Variants in GLIS2 observed in about 807,000 individuals in gnomAD.
The protein encoded by GLIS2 is GLIS family zinc finger 2, also known as zinc finger protein GLIS2.
Under a neutral mutation model 35.6 loss-of-function variants are expected in GLIS2, and 14 were observed. The observed-to-expected ratio is 0.39, with a 90% CI of 0.26 to 0.61. The LOEUF is 0.61. GLIS2 is among the 20% of genes least tolerant of loss of function. The probability of loss-of-function intolerance (pLI) is 0.48; values close to 1 mark genes in which losing one functional copy is unlikely to be tolerated. For missense variants in GLIS2, 675 were observed against 713.4 expected, an observed-to-expected ratio of 0.95 and a Z score of 0.61; for synonymous variants, 368 against 325.1, an observed-to-expected ratio of 1.13 and a Z score of -1.42.
At position 4,337,823 on chromosome 16, in the gene GLIS2, T is replaced by G. The variant is rs1046524046; in HGVS notation, c.*299T>G. On this transcript the variant is annotated 3_prime_UTR_variant, in exon 7 of 7. Transcript: ENST00000433375. ...CTTTCCCCTGCCCGACCTCCTCCCG[T>G]TTCCCTCTCCCACCCTGGCACCTCC... is the stretch of plus-strand genomic sequence containing the variant. The G allele has an allele frequency of 4.2e-5, 23 of 541,860 alleles. No individual in the cohort carries two copies. The highest frequency in any genetic ancestry group is 3.8e-4 in the African/African-American group (20 of 52,512). 33.6% of individuals were successfully genotyped at this position (541,860 alleles called of 1,614,324 possible).
upstream of GLIS2, among the ~76,000 whole-genome samples, chr16:4,315,828 G>T: frequency 8.4e-6 from 1 of 119,462 alleles, no homozygotes; most frequent in Non-Finnish European, 1.8e-5. Context: ...CCCCTCCCCC[G>T]ACGCGCACGC....
chr16:4,326,776 T>C (rs1236171980), intron 1 of GLIS2, among the ~76,000 whole-genome samples: 10 of 76,918 alleles, frequency 1.3e-4, no homozygotes, highest in Non-Finnish European at 1.9e-4. Flanking sequence ...TTTTTTTTTT[T>C]CCGAGATGGA....
upstream of GLIS2, chr16:4,315,127 T>C (rs564200605): frequency 1.3e-5 from 2 of 152,122 alleles, no homozygotes; most frequent in African/African-American, 4.8e-5. Flanking sequence ...CTCGGGCTAG[T>C]GGACGCAGGT....
chr16:4,317,937 G>C (rs999816603), intron 1 of GLIS2, among the ~76,000 whole-genome samples: 11 of 152,146 alleles, frequency 7.2e-5, no homozygotes, highest in Non-Finnish European at 7.3e-5. Context: ...TGTGACCTTT[G>C]ACCTTTGGTG....
At chr16:4,318,897 C>T (rs1488276924) in intron 1 of GLIS2, among the ~76,000 whole-genome samples, 10 of 152,216 alleles carry the variant, frequency 6.6e-5, no homozygotes, top group African/African-American at 2.2e-4. Flanking sequence ...GGGCCAGTGC[C>T]GGCCAGGGTT....
chr16:4,332,146 T>G lies in GLIS2; in HGVS notation c.-66-69T>G, dbSNP rs1157342206. The G allele has an allele frequency of 1.8e-6, 2 of 1,115,620 alleles. No homozygotes were observed. Among genetic ancestry groups the G allele is most frequent in the Non-Finnish European group, 2.6e-6 (2 of 764,208 alleles). The allele number at this position is 1,115,620 out of a possible 1,614,324, so 69.1% of individuals were successfully genotyped here. Reference sequence around the variant, plus strand: ...CCCCCTGCTCCTGCTCCTGTTAGACTGTCATGAGTACAGCCCGAGGAGAAG... The same window carrying G: ...CCCCCTGCTCCTGCTCCTGTTAGACGGTCATGAGTACAGCCCGAGGAGAAG... On this transcript the variant is annotated intron_variant, in intron 1 of 6. Transcript: ENST00000433375. The surrounding 1 kb of genome is among the most constrained non-coding windows in gnomAD (Gnocchi z 5.4).
Position 4,337,125 on chromosome 16 carries a change from T to TG in GLIS2, c.1181dup (p.Gly395TrpfsTer72), listed in dbSNP as rs1434520235. The TG allele has an allele frequency of 6.5e-7, 1 of 1,535,554 alleles. No homozygotes were observed. Among genetic ancestry groups the TG allele is most frequent in the Admixed American group, 2.0e-5 (1 of 50,986 alleles). ...TGGCCTGTGGCAACGGTGGGGGCAG[T>TG]GGGGGTGGGGGGGGCATGGGCCCTG... On this transcript the variant is annotated frameshift_variant, in exon 7 of 7. Transcript: ENST00000433375. LOFTEE classifies it high-confidence loss of function.
At chr16:4,336,467 C>T in intron 6 of GLIS2, 1 of 608,870 alleles carries the variant, frequency 1.6e-6, no homozygotes, top group Non-Finnish European at 2.9e-6. Context: ...TGTTCTGCTG[C>T]TGAAAGGCAC....
At chr16:4,316,285 G>A (rs943510470) in intron 1 of GLIS2, among the ~76,000 whole-genome samples, 31 bp downstream of exon 1, 2 of 139,110 alleles carry the variant, frequency 1.4e-5, no homozygotes, top group Non-Finnish European at 3.1e-5. Flanking sequence ...CGCGCCGTGG[G>A]GACCGGGCCG....
At chr16:4,333,090 AG>A (rs1474130147) in intron 2 of GLIS2, among the ~76,000 whole-genome samples, 3 of 152,278 alleles carry the variant, frequency 2.0e-5, no homozygotes, top group South Asian at 4.1e-4. Context: ...CCTGCGTGCC[AG>A]ACCATTCCCG....
intron 1 of GLIS2, among the ~76,000 whole-genome samples, chr16:4,316,704 C>T (rs1011433400): frequency 3.9e-5 from 6 of 152,122 alleles, no homozygotes; most frequent in Middle Eastern, 3.2e-3. Flanking sequence ...GAAGGTGCCT[C>T]CTCCCTTGGC....
At chr16:4,322,664 C>T (rs1297611203) in intron 1 of GLIS2, among the ~76,000 whole-genome samples, 1 of 146,346 alleles carries the variant, frequency 6.8e-6, no homozygotes, top group Non-Finnish European at 1.5e-5. Context: ...TTGGTCGGGG[C>T]ACCCTCAAGG....
chr16:4,321,888 T>C (rs2053383150), intron 1 of GLIS2, among the ~76,000 whole-genome samples: 1 of 152,160 alleles, frequency 6.6e-6, no homozygotes, highest in South Asian at 2.1e-4. Flanking sequence ...GCTTCAGTGA[T>C]GCATTGGCAA....
chr16:4,321,340 T>C (rs1375905432), intron 1 of GLIS2, among the ~76,000 whole-genome samples: 1 of 152,230 alleles, frequency 6.6e-6, no homozygotes, highest in African/African-American at 2.4e-5. Context: ...GCTTCTAGCC[T>C]TGACCTTGGG....
rs1012116962 is a variant in GLIS2 at position 4,320,571 on chromosome 16, CCCCA to C, written c.-67+4319_-67+4322del. 2.0e-5 allele frequency among the ~76,000 whole-genome samples: 3 copies of C among 152,056 alleles called. No individual in the cohort carries two copies. Among genetic ancestry groups the C allele is most frequent in the Non-Finnish European group, 4.4e-5 (3 of 68,018 alleles). On this transcript the variant is annotated intron_variant, in intron 1 of 6. Coordinates refer to ENST00000433375, the MANE Select transcript of GLIS2 (RefSeq NM_032575.3). The surrounding 1 kb of genome is among the most constrained non-coding windows in gnomAD (Gnocchi z 5.6). ...GAATCCCCCCAGCTCCACTCCTGCCCCCCACGTCCACTGCAAGGGCATGACGGGG... is the reference window on the plus strand; with the variant it reads ...GAATCCCCCCAGCTCCACTCCTGCCCCGTCCACTGCAAGGGCATGACGGGG...
chr16:4,337,443 C>T lies in GLIS2; in HGVS notation c.1494C>T (p.Ala498=). 6.3e-7 allele frequency: 1 copy of T among 1,581,084 alleles called. No individual in the cohort carries two copies. The highest frequency in any genetic ancestry group is 1.1e-5 in the South Asian group (1 of 87,076). ...LDLSTGVNSA[A]SSPEALAPGW... is the part of the protein sequence containing the mutation. ...TGTCCACGGGCGTCAACTCAGCTGC[C>T]AGCAGCCCAGAGGCGTTGGCCCCTG... The change falls in exon 7 of 7, where the codon GCC becomes GCT. Residue 498 remains alanine, a synonymous_variant. Coordinates refer to ENST00000433375, the MANE Select transcript of GLIS2 (RefSeq NM_032575.3).
intron 1 of GLIS2, among the ~76,000 whole-genome samples, chr16:4,317,635 G>C (rs1184789353): frequency 2.6e-5 from 4 of 151,984 alleles, no homozygotes; most frequent in Admixed American, 6.5e-5. Flanking sequence ...CCCAGGCTGG[G>C]CCTCCTAGCT....
rs1486476160 is a variant in GLIS2 at position 4,338,976 on chromosome 16, G to A, written c.*1452G>A. 1.3e-5 allele frequency: 2 copies of A among 152,306 alleles called. No homozygotes were observed. Among genetic ancestry groups the A allele is most frequent in the African/African-American group, 4.8e-5 (2 of 41,442 alleles). The allele number at this position is 152,306 out of a possible 1,614,324, so 9.4% of individuals were successfully genotyped here. On this transcript the variant is annotated 3_prime_UTR_variant, in exon 7 of 7. Coordinates refer to ENST00000433375, the MANE Select transcript of GLIS2 (RefSeq NM_032575.3). ...CCTTCCACCTCCCCATCTGTAAAAC[G>A]AGGCAGCTGCCCGGACAGCCTTGGG... is the stretch of plus-strand genomic sequence containing the variant.
chr16:4,337,335 G>C lies in GLIS2; in HGVS notation c.1386G>C (p.Lys462Asn). The C allele has an allele frequency of 1.3e-6, 2 of 1,585,600 alleles. No homozygotes were observed. The highest frequency in any genetic ancestry group is 1.7e-6 in the Non-Finnish European group (2 of 1,167,706). ...PTRALGMEGHKTPLERTESSC... is the reference protein window; with the variant it reads ...PTRALGMEGHNTPLERTESSC... ...GGGCCCTGGGCATGGAGGGCCACAA[G>C]ACGCCCCTTGAAAGGACGGAGAGCA... is the stretch of plus-strand genomic sequence containing the variant. The change falls in exon 7 of 7, where the codon AAG becomes AAC. Residue 462 changes from lysine (K) to asparagine (N), a missense_variant. By Grantham distance (94) the Lys-to-Asn change is moderately conservative (BLOSUM62 0). Transcript: ENST00000433375.
Sources: gnomAD v4.1 joint callset for allele counts (sites outside exome capture counted in the v4.1 genomes callset) on GRCh38, gnomAD v4.1.1 for gene constraint, Gnocchi (gnomAD v3.1) non-coding constraint, MANE v1.5 for transcripts, NCBI Gene and HGNC (gene_info 2026-07-23, HGNC 2026-07-21) for gene names.